Variants in RAB38 observed in about 807,000 individuals in gnomAD.
The protein encoded by RAB38 is RAB38, member RAS oncogene family, also known as ras-related protein Rab-38.
A neutral mutation model predicts 18.4 loss-of-function variants in RAB38; 15 were observed. The observed-to-expected ratio is 0.82, with a 90% CI of 0.55 to 1.26. The LOEUF (loss-of-function observed/expected upper bound fraction) is 1.26. Ranked by LOEUF, RAB38 falls within the 50% of genes most tolerant of loss-of-function variation. The pLI is 0.00. For synonymous variants in RAB38, 101 were observed against 104.4 expected (o/e 0.97, Z 0.20); for missense variants, 294 against 267.4 (o/e 1.10, Z -0.69).
At chr11:88,076,725 G>C in the RAB38 span, among the ~76,000 whole-genome samples, 7 of 151,494 alleles carry the variant, frequency 4.6e-5, no homozygotes, top group African/African-American at 1.7e-4. Flanking sequence ...GGCTGAGGTG[G>C]GTGGATCACC....
chr11:88,021,561 ATAATTTATTTATTTAT>A, the RAB38 span, among the ~76,000 whole-genome samples: 86 of 141,512 alleles, frequency 6.1e-4, no homozygotes, highest in Middle Eastern at 3.6e-3. Context: ...ATAGAGAAAG[ATAATTTATTTATTTAT>A]TTATTTATTT....
At chr11:87,936,882 G>A in the RAB38 span, among the ~76,000 whole-genome samples, 3 of 151,902 alleles carry the variant, frequency 2.0e-5, no homozygotes, top group African/African-American at 7.2e-5. Flanking sequence ...TTTTGTTTTT[G>A]TAAATTGCTT....
chr11:87,869,589 A>G, the RAB38 span, among the ~76,000 whole-genome samples: 1 of 151,728 alleles, frequency 6.6e-6, no homozygotes, highest in Non-Finnish European at 1.5e-5. Context: ...TTGAAAAAGT[A>G]TATTTTAGGT....
chr11:87,941,462 C>A, the RAB38 span, among the ~76,000 whole-genome samples: 3 of 151,544 alleles, frequency 2.0e-5, no homozygotes, highest in Non-Finnish European at 4.4e-5. Flanking sequence ...GGCACATCCC[C>A]TCCTGAGGTA....
At chr11:88,073,256 C>T in the RAB38 span, among the ~76,000 whole-genome samples, 1 of 152,160 alleles carries the variant, frequency 6.6e-6, no homozygotes, top group African/African-American at 2.4e-5. Flanking sequence ...TGCTCTGTAA[C>T]TCAGCCAAAG....
At chr11:88,073,893 G>A in the RAB38 span, among the ~76,000 whole-genome samples, 3 of 151,916 alleles carry the variant, frequency 2.0e-5, no homozygotes, top group Non-Finnish European at 4.4e-5. Context: ...TGTTGAACTG[G>A]AAAATTCACT....
chr11:88,120,379 G>A (rs1188269465), intron 2 of RAB38, among the ~76,000 whole-genome samples: 1 of 152,122 alleles, frequency 6.6e-6, no homozygotes, highest in Middle Eastern at 3.2e-3. Flanking sequence ...TTTTCTTAGT[G>A]TCCAAGCCAA....
At chr11:87,940,789 C>T in the RAB38 span, among the ~76,000 whole-genome samples, 6 of 152,002 alleles carry the variant, frequency 3.9e-5, no homozygotes, top group East Asian at 3.9e-4. Flanking sequence ...CACACCACTA[C>T]GTCTGGCTAA....
chr11:87,959,606 C>T, the RAB38 span, among the ~76,000 whole-genome samples: 34 of 152,322 alleles, frequency 2.2e-4, no homozygotes, highest in East Asian at 5.0e-3. Context: ...AGCTCATAGA[C>T]GCATTCTCCA....
the RAB38 span, among the ~76,000 whole-genome samples, chr11:88,046,566 T>G: frequency 2.6e-5 from 4 of 152,094 alleles, no homozygotes; most frequent in African/African-American, 9.7e-5. Context: ...CACAGACAGC[T>G]CCCATTACTT....
At chr11:88,154,477 G>C (rs1322682727) in intron 1 of RAB38, among the ~76,000 whole-genome samples, 1 of 152,176 alleles carries the variant, frequency 6.6e-6, no homozygotes, top group Non-Finnish European at 1.5e-5. Flanking sequence ...TTGGCGATCT[G>C]GAACCAAACT....
the RAB38 span, among the ~76,000 whole-genome samples, chr11:87,830,825 G>T: frequency 2.6e-5 from 4 of 151,796 alleles, no homozygotes; most frequent in African/African-American, 9.7e-5. Flanking sequence ...TTGAGACAGG[G>T]TCTCTCTCTG....
At chr11:87,838,678 G>T in the RAB38 span, among the ~76,000 whole-genome samples, 1 of 152,116 alleles carries the variant, frequency 6.6e-6, no homozygotes. Context: ...AGTGATGTGG[G>T]TGTATCTGAA....
the RAB38 span, among the ~76,000 whole-genome samples, chr11:87,923,302 A>G: frequency 1.2e-4 from 18 of 152,096 alleles, no homozygotes; most frequent in East Asian, 3.3e-3. Context: ...TGGAAATGCT[A>G]GAGAAGACGC....
intron 2 of RAB38, among the ~76,000 whole-genome samples, chr11:88,120,719 A>T (rs1390671860): frequency 2.0e-5 from 3 of 152,062 alleles, no homozygotes; most frequent in African/African-American, 4.8e-5. Context: ...TCTGTCCTTT[A>T]TTCTTTAGAT....
chr11:87,857,161 G>A, the RAB38 span, among the ~76,000 whole-genome samples: 1 of 152,164 alleles, frequency 6.6e-6, no homozygotes, highest in South Asian at 2.1e-4. Context: ...ATGGTTTCCA[G>A]CTTCATCCAT....
At chr11:87,976,081 A>G in the RAB38 span, among the ~76,000 whole-genome samples, 1 of 150,606 alleles carries the variant, frequency 6.6e-6, no homozygotes, top group South Asian at 2.1e-4. Context: ...TTTCCCCCTC[A>G]AAAAAGTCTG....
At chr11:87,864,127 A>AG in the RAB38 span, among the ~76,000 whole-genome samples, 1 of 151,666 alleles carries the variant, frequency 6.6e-6, no homozygotes, top group Non-Finnish European at 1.5e-5. Context: ...ATTCTTAACC[A>AG]GGGCTTCTAC....
the RAB38 span, among the ~76,000 whole-genome samples, chr11:87,924,684 C>A: frequency 2.0e-5 from 3 of 151,958 alleles, no homozygotes; most frequent in African/African-American, 7.2e-5. Flanking sequence ...TATAACAGAT[C>A]TGTGGGATGG....
Sources: allele counts gnomAD v4.1 joint callset (sites outside exome capture counted in the v4.1 genomes callset), GRCh38; gene constraint gnomAD v4.1.1; transcripts MANE v1.5; gene names NCBI Gene and HGNC (gene_info 2026-07-23, HGNC 2026-07-21).